POM121: variants seen among roughly 807,000 people sequenced by gnomAD.
The protein encoded by POM121 is nuclear envelope pore membrane protein POM 121.
In POM121, 32 loss-of-function variants were observed where a neutral mutation model predicts 81.3. That is an observed-to-expected ratio of 0.39 (90% CI 0.30 to 0.53). POM121 has a LOEUF of 0.53. Among genes scored for constraint, POM121 ranks in the 20% least tolerant of loss-of-function variants. POM121 has a pLI of 0.66. For missense variants in POM121, 1,138 were observed against 1,614.6 expected (o/e 0.70, Z 5.06); for synonymous variants, 514 against 694.2 (o/e 0.74, Z 4.08).
intron 5 of POM121, among the ~76,000 whole-genome samples, chr7:72,935,827 A>G (rs1179635362): frequency 6.6e-6 from 1 of 152,156 alleles, no homozygotes; most frequent in Non-Finnish European, 1.5e-5. Flanking sequence ...TGCTATTCTA[A>G]ATAGTGCCTT....
chr7:72,902,255 C>CTTTTTTTTTTTT (rs1210238081), intron 3 of POM121, among the ~76,000 whole-genome samples: 2 of 126,618 alleles, frequency 1.6e-5, no homozygotes, highest in Non-Finnish European at 3.4e-5. Flanking sequence ...CTTTTTCTTT[C>CTTTTTTTTTTTT]TTTTTTTTTT....
chr7:72,879,798 A>C, exon 1 of POM121: 1 of 499,568 alleles, frequency 2.0e-6, no homozygotes, highest in Non-Finnish European at 4.0e-6. Flanking sequence ...ACGGGAGGGG[A>C]CTTCGCGAGC....
At chr7:72,933,399 C>T (rs1280872315) in intron 5 of POM121, among the ~76,000 whole-genome samples, 5 of 152,196 alleles carry the variant, frequency 3.3e-5, no homozygotes, top group Non-Finnish European at 7.3e-5. Context: ...GTAGTTTGAT[C>T]ATCTGTTCAT....
intron 4 of POM121, among the ~76,000 whole-genome samples, chr7:72,914,208 C>A (rs1794076983): frequency 6.6e-6 from 1 of 152,186 alleles, no homozygotes; most frequent in Non-Finnish European, 1.5e-5. Flanking sequence ...CTACATAGGT[C>A]AGTTGAAGTC....
intron 3 of POM121, among the ~76,000 whole-genome samples, chr7:72,895,083 C>A (rs367572825): frequency 6.6e-5 from 10 of 152,228 alleles, no homozygotes; most frequent in African/African-American, 2.4e-4. Context: ...CCACCTCCAC[C>A]TTCCAAAGTG....
chr7:72,915,897 T>A lies in POM121; in HGVS notation c.-152+2069T>A, dbSNP rs138765645. ...TTTTGTATTTTTAGTCTTGAACTCC[T>A]GAGCTCAGGTGATCCACCCACCTTG... On this transcript the variant is annotated intron_variant, in intron 4 of 15. Transcript: ENST00000395270. Among the ~76,000 whole-genome samples the A allele has an allele frequency of 2.1e-3, 316 of 152,360 alleles. 3 individuals carry two copies. The highest frequency in any genetic ancestry group is 7.3e-3 in the African/African-American group (303 of 41,590).
Position 72,908,568 on chromosome 7 carries a change from G to A in POM121, c.-215-5197G>A, listed in dbSNP as rs1464735527. Among the ~76,000 whole-genome samples the A allele has an allele frequency of 8.3e-4, 126 of 152,256 alleles. 1 individual carries two copies. The highest frequency in any genetic ancestry group is 2.7e-3 in the African/African-American group (112 of 41,548). ...CCGGTTTGACCAAAATTTATTAGGC[G>A]GGAATTTCCTCGTCCTAATATGCCT... On this transcript the variant is annotated intron_variant, in intron 3 of 15. Transcript: ENST00000395270.
chr7:72,949,921 G>T (rs782156756), downstream of POM121: 6 of 1,612,494 alleles, frequency 3.7e-6, no homozygotes, highest in South Asian at 1.1e-5. Flanking sequence ...TGACATGGGA[G>T]CCTGGCGGGG....
upstream of POM121, among the ~76,000 whole-genome samples, chr7:72,920,699 G>A (rs1794742927): frequency 6.6e-6 from 1 of 152,072 alleles, no homozygotes; most frequent in African/African-American, 2.4e-5. Flanking sequence ...GTTTTGGGAT[G>A]TATTTAAGAT....
rs543646493 is a variant in POM121, at chr7:72,934,701, G to T, written c.1276-3889G>T. ...TCAAAATTAGTTTTTTTTGTGTTTG[G>T]TGGTGTTGGTGGTTTTTGTTGTTGT... On this transcript the variant is annotated intron_variant, in intron 5 of 12. Transcript: ENST00000434423. Among the ~76,000 whole-genome samples, 6 of 152,202 alleles carry T rather than the reference G, an allele frequency of 3.9e-5. No homozygotes were observed. The East Asian group carries it at 1.2e-3, about 29-fold the overall frequency.
intron 5 of POM121, 45 bp downstream of exon 5, chr7:72,930,156 G>A (rs1226352200): frequency 1.6e-5 from 25 of 1,565,696 alleles, no homozygotes; most frequent in East Asian, 4.5e-5. Context: ...AATTCCCAGC[G>A]TTCATTCATT....
In POM121 at chr7:72,943,291, G is replaced by C. The variant is rs576446446; in HGVS notation, c.3298G>C (p.Gly1100Arg). Reference protein sequence around the residue: ...GSTTPSPFTFGGSAAPAGSGS... With the variant: ...GSTTPSPFTFRGSAAPAGSGS... Reference sequence around the variant, plus strand: ...CACAACACCATCACCCTTCACGTTTGGGGGTTCGGCAGCCCCCGCTGGCAG... The same window carrying C: ...CACAACACCATCACCCTTCACGTTTCGGGGTTCGGCAGCCCCCGCTGGCAG... The change falls in exon 11 of 13, where the codon GGG becomes CGG. Residue 1100 changes from glycine to arginine, a missense_variant. Gly to Arg is a moderately radical substitution (Grantham distance 125). Around this residue, in one of 7 missense-constraint regions of POM121, gnomAD observed 336 missense variants for 344.3 expected, o/e 0.98. Coordinates refer to ENST00000434423, the MANE Select transcript of POM121 (RefSeq NM_001387691.1). The C allele has an allele frequency of 1.9e-6, 3 of 1,609,024 alleles. No homozygotes were observed. Among genetic ancestry groups the C allele is most frequent in the South Asian group, 2.2e-5 (2 of 90,478 alleles).
intron 3 of POM121, among the ~76,000 whole-genome samples, chr7:72,904,318 C>A (rs1793018599): frequency 6.6e-6 from 1 of 152,248 alleles, no homozygotes; most frequent in East Asian, 1.9e-4. Context: ...CAACTTCTCC[C>A]ATGCTGTTAG....
chr7:72,935,446 A>G (rs187973868), intron 5 of POM121, among the ~76,000 whole-genome samples: 1 of 152,340 alleles, frequency 6.6e-6, no homozygotes, highest in Non-Finnish European at 1.5e-5. Flanking sequence ...GAGTGCTGGG[A>G]TTGTAGGCGT....
chr7:72,923,703 C>A (rs1169538765), upstream of POM121, among the ~76,000 whole-genome samples: 1 of 136,864 alleles, frequency 7.3e-6, no homozygotes, highest in Non-Finnish European at 1.6e-5. Flanking sequence ...GGGTTCACGC[C>A]ATTCTCCTGC....
chr7:72,899,417 C>A (rs1792339237), intron 3 of POM121, among the ~76,000 whole-genome samples: 1 of 152,002 alleles, frequency 6.6e-6, no homozygotes, highest in Non-Finnish European at 1.5e-5. Context: ...CAGAGTGGTA[C>A]CCAGCAAATA....
chr7:72,929,206 A>T (rs1795777061), intron 4 of POM121, among the ~76,000 whole-genome samples: 1 of 152,192 alleles, frequency 6.6e-6, no homozygotes, highest in Admixed American at 6.5e-5. Context: ...GGAATAAAGA[A>T]ATAAGTGAGG....
At chr7:72,912,091 C>T (rs1450240058) in intron 3 of POM121, among the ~76,000 whole-genome samples, 8 of 152,160 alleles carry the variant, frequency 5.3e-5, no homozygotes, top group Non-Finnish European at 7.4e-5. Flanking sequence ...GAGATCTCTG[C>T]TATGTTGCCC....
In POM121 at chr7:72,888,522, TC is replaced by T. The variant is rs577542783; in HGVS notation, c.-520-2104del. Among the ~76,000 whole-genome samples the T allele has an allele frequency of 6.8e-3, 1,036 of 152,318 alleles. 14 individuals are homozygous for T. Among genetic ancestry groups the T allele is most frequent in the African/African-American group, 0.024 (1,009 of 41,572 alleles). ...ACTGTGCCCAAGCACTTTTACTTTT[TC>T]TTAGTTATATTCCTCTAATTGTTTT... On this transcript the variant is annotated intron_variant, in intron 1 of 15. Transcript: ENST00000395270.
Sources: gnomAD v4.1 joint callset for allele counts (sites outside exome capture counted in the v4.1 genomes callset) on GRCh38, gnomAD v4.1.1 for gene constraint, gnomAD v4.1.1 regional missense constraint, MANE v1.5 for transcripts, NCBI Gene and HGNC (gene_info 2026-07-23, HGNC 2026-07-21) for gene names.